The following HECTD4 variants were observed in gnomAD, a reference collection of about 807,000 sequenced individuals.
HECTD4 encodes HECT domain E3 ubiquitin protein ligase 4.
In HECTD4, 114 loss-of-function variants were observed where a neutral mutation model predicts 471.5. The observed-to-expected ratio is 0.24, with a 90% CI of 0.21 to 0.28. The LOEUF (loss-of-function observed/expected upper bound fraction) is 0.28. Ranked by LOEUF, HECTD4 falls within the 10% of genes least tolerant of loss-of-function variation. The pLI, the probability that HECTD4 is intolerant of heterozygous loss-of-function variation, is 1.00. For synonymous variants in HECTD4, 2,012 were observed against 2,256.0 expected, an observed-to-expected ratio of 0.89 and a Z score of 3.07; for missense variants, 3,866 against 5,651.5, an observed-to-expected ratio of 0.68 and a Z score of 10.13.
chr12:112,235,275 A>C lies in HECTD4; in HGVS notation c.5726-9T>G. 1 of 1,603,670 alleles carries C rather than the reference A, an allele frequency of 6.2e-7. No homozygotes were observed. The highest frequency in any genetic ancestry group is 8.5e-7 in the Non-Finnish European group (1 of 1,175,710). On this transcript the variant is annotated splice_polypyrimidine_tract_variant and intron_variant, in intron 36 of 75. Transcript: ENST00000682272. The surrounding 1 kb of genome is among the most constrained non-coding windows in gnomAD (Gnocchi z 5.0). ...AAGAACTGTCTGACATCCTTTAAGC[A>C]AAAAACAAAGCTCATTCAGGAAAAC...
At position 112,292,539 on chromosome 12, in the gene HECTD4, G is replaced by A. The variant is rs527469243; in HGVS notation, c.1336-9237C>T. ...TCTATACTGTATCACCAGCTCCTAG[G>A]ATACTACCTGGCATGTAGAAGGCCC... On this transcript the variant is annotated intron_variant, in intron 7 of 75. Coordinates refer to ENST00000682272, the MANE Select transcript of HECTD4 (RefSeq NM_001388303.1). Among the ~76,000 whole-genome samples the A allele has an allele frequency of 7.2e-5, 11 of 152,288 alleles. No homozygotes were observed. The South Asian group carries it at 1.9e-3, about 26-fold the overall frequency.
chr12:112,310,870 G>C (rs1423049705), intron 4 of HECTD4, among the ~76,000 whole-genome samples: 1 of 152,182 alleles, frequency 6.6e-6, no homozygotes, highest in Non-Finnish European at 1.5e-5. Context: ...AACAAGATTG[G>C]CCAGGAATGG....
intron 45 of HECTD4, among the ~76,000 whole-genome samples, chr12:112,217,621 T>C (rs544463622): frequency 2.0e-3 from 305 of 152,386 alleles, no homozygotes; most frequent in Non-Finnish European, 3.5e-3. Context: ...TCCAAAGTGC[T>C]AGGATTATAG....
chr12:112,230,932 A>G (rs2033363997), intron 39 of HECTD4, 110 bp from the exon 40 acceptor site: 1 of 995,868 alleles, frequency 1.0e-6, no homozygotes, highest in Non-Finnish European at 1.4e-6. Context: ...TATACAAGAA[A>G]AAGTGGATTC....
At position 112,210,050 on chromosome 12, in the gene HECTD4, G is replaced by A. The variant is rs1307932187; in HGVS notation, c.7832C>T (p.Pro2611Leu). The part of the protein sequence containing the change: ...IASDPGTHGP[P>L]CRIAAVATAQ... The stretch of plus-strand genomic sequence containing the variant: ...GGTGGCCACGGCAGCAATCCGGCAT[G>A]GTGGCCCATGAGTGCCTGGGTCTGA... The change falls in exon 50 of 76, where the codon CCA becomes CTA. Residue 2611 changes from proline (P) to leucine (L), a missense_variant. Transcript: ENST00000682272. 3.1e-6 allele frequency: 5 copies of A among 1,613,962 alleles called. No individual in the cohort carries two copies. The highest frequency in any genetic ancestry group is 3.3e-4 in the Middle Eastern group (2 of 6,056).
At position 112,208,612 on chromosome 12, in the gene HECTD4, G is replaced by A. The variant is rs1056773245; in HGVS notation, c.7886C>T (p.Ser2629Phe). ...TAQQQYDSDT[S>F]CHYKVELSYE... is the part of the protein sequence containing the mutation. ...GCTGAGCTCGACTTTATAATGACAG[G>A]AGGTGTCACTATCATATTCTGTAAC... The change falls in exon 51 of 76, where the codon TCC becomes TTC. Residue 2629 changes from serine to phenylalanine, a missense_variant. Transcript: ENST00000682272. 14 of 1,598,038 alleles carry A rather than the reference G, an allele frequency of 8.8e-6. No homozygotes were observed. Among genetic ancestry groups the A allele is most frequent in the Non-Finnish European group, 1.1e-5 (13 of 1,174,210 alleles).
intron 7 of HECTD4, 102 bp downstream of exon 7, chr12:112,305,962 C>T: frequency 9.3e-7 from 1 of 1,075,706 alleles, no homozygotes. Flanking sequence ...ACTGAACACA[C>T]TATACACGCT....
chr12:112,258,409 C>T, intron 20 of HECTD4, 87 bp downstream of exon 20: 1 of 939,508 alleles, frequency 1.1e-6, no homozygotes, highest in Non-Finnish European at 1.5e-6. Flanking sequence ...ATAATCCTTG[C>T]TAAAAATCAT....
intron 60 of HECTD4, among the ~76,000 whole-genome samples, chr12:112,187,833 A>G (rs749258057): frequency 6.1e-5 from 9 of 148,302 alleles, no homozygotes; most frequent in African/African-American, 9.9e-5. Context: ...TCACTGTGTT[A>G]GCCAGGATGG....
rs186117190 is a variant in HECTD4 at position 112,212,175 on chromosome 12, T to C, written c.7629+312A>G. On this transcript the variant is annotated intron_variant, in intron 49 of 75. Coordinates refer to ENST00000682272, the MANE Select transcript of HECTD4 (RefSeq NM_001388303.1). The stretch of plus-strand genomic sequence containing the variant: ...AAGAGAATCACTTTCAAAATTTACT[T>C]AATCACATAATCATTTTACTGACAT... Among the ~76,000 whole-genome samples the C allele has an allele frequency of 1.0e-3, 159 of 152,358 alleles. 1 individual carries two copies. Among genetic ancestry groups the C allele is most frequent in the South Asian group, 3.7e-3 (18 of 4,828 alleles).
rs761916968 is a variant in HECTD4 at position 112,170,434 on chromosome 12, G to A, written c.11951C>T (p.Thr3984Met). 6.2e-6 allele frequency: 10 copies of A among 1,613,784 alleles called. No individual in the cohort carries two copies. Among genetic ancestry groups the A allele is most frequent in the Middle Eastern group, 1.6e-4 (1 of 6,084 alleles). ...CACTCGATTCATCACGGTCACCTTC[G>A]TGTCATAGAAGATCAGCCCTAAGGA... ...KEAKGLIFYD[T>M]KVTVMNRVLN... is the part of the protein sequence containing the mutation. The change falls in exon 69 of 76, where the codon ACG becomes ATG. Residue 3984 changes from threonine (T) to methionine (M), a missense_variant. Coordinates refer to ENST00000682272, the MANE Select transcript of HECTD4 (RefSeq NM_001388303.1).
At chr12:112,324,050 CT>C (rs1408087011) in intron 1 of HECTD4, among the ~76,000 whole-genome samples, 1 of 54,178 alleles carries the variant, frequency 1.8e-5, no homozygotes, top group Non-Finnish European at 2.8e-5. Context: ...TCCTTCCTTT[CT>C]TTCTTTCTTT....
At chr12:112,370,737 T>C (rs920166958) in intron 1 of HECTD4, among the ~76,000 whole-genome samples, 2 of 152,172 alleles carry the variant, frequency 1.3e-5, no homozygotes, top group Non-Finnish European at 2.9e-5. Context: ...CAGTTTTACC[T>C]GTTATTTCCG....
Position 112,333,909 on chromosome 12 carries a change from T to C in HECTD4, c.178-14167A>G, listed in dbSNP as rs910000307. ...AAGCAAATGGCTGATGAGAGAAAAC[T>C]TCACTTTAAGTAAGTGGGGCCAGGT... On this transcript the variant is annotated intron_variant, in intron 1 of 75. Transcript: ENST00000682272. 2.0e-5 allele frequency among the ~76,000 whole-genome samples: 3 copies of C among 151,990 alleles called. No homozygotes were observed. The East Asian group carries it at 5.8e-4, about 29-fold the overall frequency.
At chr12:112,297,032 A>C (rs1010366703) in intron 7 of HECTD4, among the ~76,000 whole-genome samples, 2 of 147,582 alleles carry the variant, frequency 1.4e-5, no homozygotes, top group Non-Finnish European at 3.0e-5. Context: ...CAGAAGGTGT[A>C]GGTGCAGTGG....
chr12:112,298,305 A>C (rs887327897), intron 7 of HECTD4, among the ~76,000 whole-genome samples: 6 of 152,132 alleles, frequency 3.9e-5, no homozygotes, highest in Non-Finnish European at 8.8e-5. Flanking sequence ...AGTTGTTAAC[A>C]CAGAAGAAAG....
At chr12:112,308,461 A>AC (rs1189567623) in intron 6 of HECTD4, among the ~76,000 whole-genome samples, 2 of 151,784 alleles carry the variant, frequency 1.3e-5, no homozygotes, top group Non-Finnish European at 2.9e-5. Flanking sequence ...AACAAAACAA[A>AC]AAAAAAAAAC....
intron 7 of HECTD4, among the ~76,000 whole-genome samples, chr12:112,287,886 G>C (rs1301995811): frequency 2.0e-5 from 3 of 152,210 alleles, no homozygotes; most frequent in Non-Finnish European, 4.4e-5. Context: ...TTGTGTTCTA[G>C]AGTTTCAGAA....
intron 20 of HECTD4, 25 bp downstream of exon 20, chr12:112,258,471 C>G: frequency 6.7e-7 from 1 of 1,498,352 alleles, no homozygotes; most frequent in Non-Finnish European, 9.0e-7. Context: ...GAAAAGGGTT[C>G]CTGCAAGGAA....
Sources: allele counts gnomAD v4.1 joint callset (sites outside exome capture counted in the v4.1 genomes callset), GRCh38; gene constraint gnomAD v4.1.1; non-coding constraint Gnocchi (gnomAD v3.1); transcripts MANE v1.5; gene names NCBI Gene and HGNC (gene_info 2026-07-23, HGNC 2026-07-21).